The following MIA2 variants were observed in gnomAD, a reference collection of about 807,000 sequenced individuals.
The protein encoded by MIA2 is melanoma inhibitory activity protein 2.
MIA2 carries 127 observed loss-of-function variants against 167.8 expected under a neutral mutation model. The ratio of observed to expected loss-of-function variants is 0.76; its 90% CI spans 0.66 to 0.88. The LOEUF (loss-of-function observed/expected upper bound fraction) is 0.88. Among genes scored for constraint, MIA2 ranks in the 40% least tolerant of loss-of-function variants. The pLI is 0.00. For synonymous variants in MIA2, 552 were observed against 541.9 expected, an observed-to-expected ratio of 1.02 and a Z score of -0.26; for missense variants, 1,690 against 1,624.7, an observed-to-expected ratio of 1.04 and a Z score of -0.69.
intron 10 of MIA2, 116 bp downstream of exon 10, chr14:39,291,212 G>A (rs1281019814): frequency 2.5e-6 from 2 of 800,844 alleles, no homozygotes; most frequent in Non-Finnish European, 3.7e-6. Flanking sequence ...AGCATCTCTG[G>A]ATGTTAAAAC....
At chr14:39,296,572 C>T (rs1458834714) in intron 13 of MIA2, among the ~76,000 whole-genome samples, 6 of 150,602 alleles carry the variant, frequency 4.0e-5, no homozygotes, top group South Asian at 2.1e-4. Context: ...TGAGCCACCG[C>T]GCCTGGCCAC....
intron 18 of MIA2, among the ~76,000 whole-genome samples, chr14:39,310,568 A>G (rs190533526): frequency 6.6e-6 from 1 of 152,310 alleles, no homozygotes; most frequent in East Asian, 1.9e-4. Context: ...CAGAGGCTGT[A>G]GCAGGAAGCT....
rs753711067 is a variant in MIA2, at chr14:39,345,981, C to T, written c.3733C>T (p.Pro1245Ser). 39 of 1,611,356 alleles carry T rather than the reference C, an allele frequency of 2.4e-5. No individual in the cohort carries two copies. The highest frequency in any genetic ancestry group is 5.5e-5 in the South Asian group (5 of 91,000). Residue 1245 changes from proline (P) to serine (S), a missense_variant, in exon 26 of 29, where the codon CCA becomes TCA. Coordinates refer to ENST00000640607, the MANE Select transcript of MIA2 (RefSeq NM_001329214.4). ...FCSNSGRLSG[P>S]AELRSFNMPS... ...TTCTAATTCTGGTAGACTGTCTGGA[C>T]CAGCAGAACTCAGAAGTTTTAATAT...
At chr14:39,359,709 A>G (rs1010105593) in intron 23 of MIA2, among the ~76,000 whole-genome samples, 3 of 151,632 alleles carry the variant, frequency 2.0e-5, no homozygotes, top group Non-Finnish European at 2.9e-5. Flanking sequence ...CCTATACCAC[A>G]TTTTCTTAAT....
At chr14:39,283,669 C>T (rs1180392252) in intron 9 of MIA2, among the ~76,000 whole-genome samples, 1 of 152,130 alleles carries the variant, frequency 6.6e-6, no homozygotes, top group African/African-American at 2.4e-5. Context: ...TACTTGTCAT[C>T]TCTCTTGTCT....
chr14:39,356,987 T>A lies in MIA2; in HGVS notation c.2248+8010T>A, dbSNP rs147973699. ...TTACTTCCAACTATGTGGTCGGTTT[T>A]GGAATAAGTGTGGTGTGGTGCTGAG... is the stretch of plus-strand genomic sequence containing the variant. On this transcript the variant is annotated intron_variant, in intron 23 of 23. Coordinates refer to the MIA2 transcript ENST00000341502. Among the ~76,000 whole-genome samples the A allele has an allele frequency of 2.3e-3, 347 of 152,314 alleles. 1 individual carries two copies. Among genetic ancestry groups the A allele is most frequent in the African/African-American group, 7.8e-3 (325 of 41,558 alleles).
Position 39,279,557 on chromosome 14 carries a change from A to G in MIA2, c.2130+20A>G. On this transcript the variant is annotated intron_variant, in intron 9 of 28. Transcript: ENST00000640607. Reference sequence around the variant, plus strand: ...AAAGAGGTAAGATATTTTTGAAAATAATATTCATGTTAGAGTCAGAGAACT... The same window carrying G: ...AAAGAGGTAAGATATTTTTGAAAATGATATTCATGTTAGAGTCAGAGAACT... 2.0e-6 allele frequency: 3 copies of G among 1,497,200 alleles called. No individual in the cohort carries two copies. Among genetic ancestry groups the G allele is most frequent in the Non-Finnish European group, 1.8e-6 (2 of 1,088,920 alleles). The allele number at this position is 1,497,200 out of a possible 1,614,324, so 92.7% of individuals were successfully genotyped here.
chr14:39,359,200 C>G (rs1414188647), intron 23 of MIA2, among the ~76,000 whole-genome samples: 2 of 152,206 alleles, frequency 1.3e-5, no homozygotes, highest in Admixed American at 6.5e-5. Context: ...TGTGCTCCAC[C>G]CAATTCGAGC....
chr14:39,332,366 G>A, intron 25 of MIA2, among the ~76,000 whole-genome samples: 1 of 152,014 alleles, frequency 6.6e-6, no homozygotes, highest in East Asian at 1.9e-4. Context: ...AATGTTCTTA[G>A]CTTCCTTGCA....
intron 25 of MIA2, among the ~76,000 whole-genome samples, chr14:39,341,987 TA>T (rs2071984635): frequency 2.0e-5 from 3 of 152,144 alleles, no homozygotes. Context: ...AAAGGTTGGG[TA>T]ACTTGGTGAA....
chr14:39,321,607 C>A (rs907795981), intron 24 of MIA2, among the ~76,000 whole-genome samples: 2 of 151,830 alleles, frequency 1.3e-5, no homozygotes, highest in African/African-American at 4.8e-5. Context: ...TGAGCCACCA[C>A]GCCTAGCCTG....
intron 13 of MIA2, among the ~76,000 whole-genome samples, chr14:39,295,779 C>T (rs903893824): frequency 2.6e-5 from 4 of 152,064 alleles, no homozygotes; most frequent in Non-Finnish European, 4.4e-5. Flanking sequence ...AGGATGGTCT[C>T]AATCTCTTGA....
intron 25 of MIA2, among the ~76,000 whole-genome samples, chr14:39,332,964 A>T (rs1298002062): frequency 6.6e-6 from 1 of 152,048 alleles, no homozygotes; most frequent in Non-Finnish European, 1.5e-5. Context: ...TTATCTAGTA[A>T]AAGTTTTATT....
At chr14:39,270,830 G>A (rs904421128) in intron 6 of MIA2, among the ~76,000 whole-genome samples, 4 of 152,134 alleles carry the variant, frequency 2.6e-5, no homozygotes, top group Non-Finnish European at 1.5e-5. Context: ...TTATTGTTGA[G>A]TTATAAGCAT....
chr14:39,295,082 C>G, intron 13 of MIA2, 53 bp downstream of exon 13: 1 of 1,240,274 alleles, frequency 8.1e-7, no homozygotes, highest in Admixed American at 1.7e-5. Flanking sequence ...TATAGATGTT[C>G]TTGTCATCCT....
chr14:39,288,469 A>ATTTTTTTTTTTTTTT (rs1289953072), intron 9 of MIA2, among the ~76,000 whole-genome samples: 1 of 52,708 alleles, frequency 1.9e-5, no homozygotes, highest in African/African-American at 1.0e-4. Flanking sequence ...ATATATATAT[A>ATTTTTTTTTTTTTTT]TATATATTTT....
exon 24 of MIA2, chr14:39,387,069 G>T: frequency 1.5e-6 from 1 of 674,664 alleles, no homozygotes; most frequent in East Asian, 2.8e-5. Flanking sequence ...TAATCAAATT[G>T]AAGCCTTGGC....
intron 23 of MIA2, among the ~76,000 whole-genome samples, chr14:39,382,956 T>TTG (rs1378236757): frequency 6.8e-6 from 1 of 147,888 alleles, no homozygotes; most frequent in Non-Finnish European, 1.5e-5. Flanking sequence ...GGCCACAGTT[T>TTG]TTTTTTTTTT....
At chr14:39,276,646 C>T (rs887012930) in intron 6 of MIA2, 3 of 308,288 alleles carry the variant, frequency 9.7e-6, no homozygotes, top group Admixed American at 4.8e-5. Flanking sequence ...GTACCTGAAC[C>T]CTAGGTCACT....
Sources: allele counts gnomAD v4.1 joint callset (sites outside exome capture counted in the v4.1 genomes callset), GRCh38; gene constraint gnomAD v4.1.1; transcripts MANE v1.5; gene names NCBI Gene and HGNC (gene_info 2026-07-23, HGNC 2026-07-21).